The following FYN variants were observed in gnomAD, a reference collection of about 807,000 sequenced individuals.
FYN encodes tyrosine-protein kinase Fyn.
Under a neutral mutation model 70.2 loss-of-function variants are expected in FYN, and 10 were observed. That is an observed-to-expected ratio of 0.14 (90% confidence interval 0.09 to 0.24). The LOEUF (loss-of-function observed/expected upper bound fraction) is 0.24, where lower values mean the gene tolerates loss of function less well. Among genes scored for constraint, FYN ranks in the 10% least tolerant of loss-of-function variants. The pLI, the probability that FYN is intolerant of heterozygous loss-of-function variation, is 1.00. For missense variants in FYN, 319 were observed against 673.1 expected (o/e 0.47, Z 5.82); for synonymous variants, 236 against 248.6 (o/e 0.95, Z 0.48).
intron 3 of FYN, chr6:111,760,033 C>T (rs997659833): frequency 2.0e-5 from 3 of 151,186 alleles, no homozygotes; most frequent in Non-Finnish European, 4.4e-5. Context: ...GAGACAGTGA[C>T]GTATGTGAAA....
intron 12 of FYN, among the ~76,000 whole-genome samples, chr6:111,683,460 C>G (rs1222352226): frequency 6.6e-6 from 1 of 152,144 alleles, no homozygotes; most frequent in Non-Finnish European, 1.5e-5. Flanking sequence ...AATATCCCCT[C>G]TGGCTAAAAA....
At chr6:111,703,922 A>C in intron 7 of FYN, 77 bp downstream of exon 7, 1 of 1,109,972 alleles carries the variant, frequency 9.0e-7, no homozygotes, top group Non-Finnish European at 1.4e-6. Flanking sequence ...CTTGTACATT[A>C]GAGATAAGCC....
intron 2 of FYN, among the ~76,000 whole-genome samples, chr6:111,806,001 C>T (rs1487211539): frequency 6.6e-6 from 1 of 152,090 alleles, no homozygotes; most frequent in Non-Finnish European, 1.5e-5. Context: ...CAGTTGAAGA[C>T]CCTGTAGATA....
chr6:111,708,090 C>A, intron 5 of FYN, 70 bp from the exon 6 acceptor site: 1 of 1,160,914 alleles, frequency 8.6e-7, no homozygotes, highest in Non-Finnish European at 1.3e-6. Context: ...TCACTGTGGT[C>A]TGAAGTGTAT....
At chr6:111,856,865 C>T (rs74793443) in intron 1 of FYN, among the ~76,000 whole-genome samples, 4,630 of 152,198 alleles carry the variant, frequency 0.03, 151 homozygotes, top group South Asian at 0.075. Flanking sequence ...CCGCACCTCA[C>T]CCCAGAACAC....
intron 3 of FYN, among the ~76,000 whole-genome samples, chr6:111,758,012 G>C (rs183333854): frequency 6.6e-6 from 1 of 152,114 alleles, no homozygotes; most frequent in Non-Finnish European, 1.5e-5. Context: ...CTATATTCAC[G>C]TGGATCTTGC....
intron 9 of FYN, among the ~76,000 whole-genome samples, chr6:111,698,307 A>AT (rs1799669483): frequency 6.6e-6 from 1 of 151,942 alleles, no homozygotes; most frequent in Non-Finnish European, 1.5e-5. Context: ...CTAATTTTGT[A>AT]TTTTTAGTAG....
intron 2 of FYN, among the ~76,000 whole-genome samples, chr6:111,829,300 C>A (rs945643101): frequency 6.6e-6 from 1 of 152,238 alleles, no homozygotes; most frequent in South Asian, 2.1e-4. Flanking sequence ...GTACTCTCCC[C>A]GGGCCTCTGA....
intron 2 of FYN, among the ~76,000 whole-genome samples, chr6:111,795,116 T>C (rs1243747017): frequency 2.0e-5 from 3 of 152,240 alleles, no homozygotes; most frequent in Admixed American, 2.0e-4. Flanking sequence ...GGAACTGTTA[T>C]TGACTGAATT....
chr6:111,782,177 T>C (rs1038130586), intron 2 of FYN, among the ~76,000 whole-genome samples: 1 of 152,252 alleles, frequency 6.6e-6, no homozygotes, highest in African/African-American at 2.4e-5. Context: ...TTTTCTCTTT[T>C]TAAAAGTACT....
Position 111,719,904 on chromosome 6 carries a change from A to G in FYN, c.148T>C (p.Tyr50His). Reference protein sequence around the residue: ...PSFGVTSIPNYNNFHAAGGQG... With the variant: ...PSFGVTSIPNHNNFHAAGGQG... Reference sequence around the variant, plus strand: ...CCCCCGGCTGCGTGGAAGTTGTTGTAGTTGGGGATGGAGGTCACACCGAAG... The same window carrying G: ...CCCCCGGCTGCGTGGAAGTTGTTGTGGTTGGGGATGGAGGTCACACCGAAG... Residue 50 changes from tyrosine (Y) to histidine (H), a missense_variant, in exon 4 of 14, where the codon TAC (tyrosine) becomes CAC (histidine). Around this residue, in one of 4 missense-constraint regions of FYN, gnomAD observed 128 missense variants for 183.9 expected, o/e 0.70. Transcript: ENST00000354650. 6.2e-7 allele frequency: 1 copy of G among 1,614,112 alleles called. No individual in the cohort carries two copies.
At chr6:111,813,777 T>G (rs1437615024) in intron 2 of FYN, 1 of 152,216 alleles carries the variant, frequency 6.6e-6, no homozygotes, top group East Asian at 1.9e-4. Flanking sequence ...TGTTAGCTAT[T>G]AATGGAGATG....
intron 1 of FYN, among the ~76,000 whole-genome samples, chr6:111,867,383 A>G (rs1774140074): frequency 7.5e-6 from 1 of 132,906 alleles, no homozygotes; most frequent in Non-Finnish European, 1.5e-5. Context: ...TGAACCTGGG[A>G]GGTGGAGGTT....
chr6:111,834,614 GT>G (rs1221163138), intron 2 of FYN, among the ~76,000 whole-genome samples: 1 of 152,174 alleles, frequency 6.6e-6, no homozygotes, highest in Non-Finnish European at 1.5e-5. Context: ...ACAGAAGGTG[GT>G]GCCAACCTTG....
rs759589525 is a variant in FYN, at chr6:111,704,054, C to T, written c.492G>A (p.Leu164=). The change falls in exon 7 of 14, where the codon TTG becomes TTA. Residue 164 remains leucine (L), a synonymous_variant. Transcript: ENST00000354650. ...LGRKDAERQL[L]SFGNPRGTFL... Reference sequence around the variant, plus strand: ...AGGTACCTCTTGGGTTTCCAAAGGACAATAGCTGTCGCTCAGCATCTTTTC... The same window carrying T: ...AGGTACCTCTTGGGTTTCCAAAGGATAATAGCTGTCGCTCAGCATCTTTTC... The T allele has an allele frequency of 3.7e-6, 6 of 1,614,086 alleles. No homozygotes were observed. The highest frequency in any genetic ancestry group is 4.5e-5 in the East Asian group (2 of 44,900).
intron 12 of FYN, among the ~76,000 whole-genome samples, chr6:111,682,310 G>A (rs1198168627): frequency 2.6e-5 from 4 of 152,124 alleles, no homozygotes; most frequent in South Asian, 4.1e-4. Flanking sequence ...TGATGCTCTC[G>A]GTTTTTCAGT....
chr6:111,734,741 CA>C (rs1222942945), intron 3 of FYN, among the ~76,000 whole-genome samples: 1 of 152,244 alleles, frequency 6.6e-6, no homozygotes, highest in East Asian at 1.9e-4. Flanking sequence ...ACCATAGTAA[CA>C]AATCACCAGT....
intron 2 of FYN, among the ~76,000 whole-genome samples, chr6:111,822,957 G>A (rs529412795): frequency 6.6e-6 from 1 of 152,156 alleles, no homozygotes; most frequent in African/African-American, 2.4e-5. Context: ...AGCAGCAGTG[G>A]AAATACAACT....
intron 12 of FYN, among the ~76,000 whole-genome samples, chr6:111,676,250 C>A (rs2128412558): frequency 6.6e-6 from 1 of 152,290 alleles, no homozygotes; most frequent in South Asian, 2.1e-4. Context: ...CTCCATCTCT[C>A]ATGTGTCTGT....
Sources: allele counts gnomAD v4.1 joint callset (sites outside exome capture counted in the v4.1 genomes callset), GRCh38; gene constraint gnomAD v4.1.1; regional missense constraint gnomAD v4.1.1; transcripts MANE v1.5; gene names NCBI Gene and HGNC (gene_info 2026-07-23, HGNC 2026-07-21).